NBAS: variants seen among roughly 807,000 people sequenced by gnomAD.
The protein encoded by NBAS is NBAS subunit of NRZ tethering complex.
Under a neutral mutation model 302.5 loss-of-function variants are expected in NBAS, and 219 were observed. That is an observed-to-expected ratio of 0.72 (90% CI 0.65 to 0.81). The LOEUF (loss-of-function observed/expected upper bound fraction) is 0.81, where lower values mean the gene tolerates loss of function less well. Among genes scored for constraint, NBAS ranks in the 30% least tolerant of loss-of-function variants. The pLI is 0.00. For missense variants in NBAS, 2,932 were observed against 2,841.6 expected (o/e 1.03, Z -0.72); for synonymous variants, 1,118 against 1,021.6 (o/e 1.09, Z -1.80).
the NBAS span, among the ~76,000 whole-genome samples, chr2:14,847,380 CTTA>C: frequency 9.6e-5 from 5 of 52,006 alleles, no homozygotes; most frequent in Non-Finnish European, 3.1e-5. Context: ...AAGACTCTAT[CTTA>C]AAAAAAAAAA....
chr2:14,908,444 C>T, the NBAS span, among the ~76,000 whole-genome samples: 1 of 152,158 alleles, frequency 6.6e-6, no homozygotes, highest in Admixed American at 6.5e-5. Flanking sequence ...CTTCTGAGAG[C>T]CCCAAAAGCT....
At chr2:15,036,051 A>C in the NBAS span, among the ~76,000 whole-genome samples, 1 of 152,340 alleles carries the variant, frequency 6.6e-6, no homozygotes, top group Middle Eastern at 3.4e-3. Context: ...AAAGTATGAA[A>C]TTGCCCTTTA....
At chr2:14,831,847 G>A in the NBAS span, among the ~76,000 whole-genome samples, 2 of 152,156 alleles carry the variant, frequency 1.3e-5, no homozygotes, top group African/African-American at 2.4e-5. Flanking sequence ...ATTCATATCT[G>A]TGCTCCACAT....
the NBAS span, among the ~76,000 whole-genome samples, chr2:14,808,186 A>G: frequency 6.6e-6 from 1 of 152,228 alleles, no homozygotes; most frequent in Non-Finnish European, 1.5e-5. Flanking sequence ...CCCCATTTCT[A>G]TTGAAAAATA....
the NBAS span, among the ~76,000 whole-genome samples, chr2:15,042,162 G>C: frequency 1.3e-5 from 2 of 152,226 alleles, no homozygotes; most frequent in East Asian, 3.8e-4. Context: ...GCAATGGCAA[G>C]GAAGGAGGCA....
At chr2:15,017,237 G>A in the NBAS span, among the ~76,000 whole-genome samples, 24 of 152,014 alleles carry the variant, frequency 1.6e-4, no homozygotes, top group South Asian at 6.2e-4. Flanking sequence ...GAGGAAATAC[G>A]TCAGGACATG....
chr2:14,887,548 C>T, the NBAS span, among the ~76,000 whole-genome samples: 8 of 152,140 alleles, frequency 5.3e-5, no homozygotes, highest in Non-Finnish European at 2.9e-5. Flanking sequence ...ACAGCTGCAA[C>T]ATCCACCCAC....
rs918842557 is a variant in NBAS at position 15,330,914 on chromosome 2, T to C, written c.4180-149A>G. ...CCATCCAACTTTGCTTGTAACAAAA[T>C]AAATGTTAAAAGAGCACTATCAACA... is the stretch of plus-strand genomic sequence containing the variant. On this transcript the variant is annotated intron_variant, in intron 35 of 51. Transcript: ENST00000281513. The C allele has an allele frequency of 9.8e-6, 8 of 814,508 alleles. No homozygotes were observed. In the African/African-American group the frequency reaches 1.4e-4, roughly 14 times the overall value. 50.5% of individuals were successfully genotyped at this position (814,508 alleles called of 1,614,324 possible).
chr2:15,092,475 A>T, the NBAS span, among the ~76,000 whole-genome samples: 553 of 152,292 alleles, frequency 3.6e-3, 1 homozygote, highest in African/African-American at 0.013. Context: ...AGATTCATAA[A>T]TTAGCTCCGA....
At chr2:14,883,180 G>C in the NBAS span, among the ~76,000 whole-genome samples, 1 of 152,118 alleles carries the variant, frequency 6.6e-6, no homozygotes, top group African/African-American at 2.4e-5. Context: ...AAAATGAAAA[G>C]AAGCTTCAAG....
At chr2:15,080,418 C>T in the NBAS span, among the ~76,000 whole-genome samples, 3 of 152,170 alleles carry the variant, frequency 2.0e-5, no homozygotes, top group South Asian at 4.1e-4. Flanking sequence ...AAACATTGTC[C>T]TTGTTTGACC....
intron 31 of NBAS, among the ~76,000 whole-genome samples, chr2:15,369,023 T>G (rs944335769): frequency 6.6e-6 from 1 of 152,220 alleles, no homozygotes; most frequent in Non-Finnish European, 1.5e-5. Flanking sequence ...AAAAACACTA[T>G]GGGTTTTTTC....
chr2:15,254,385 A>AATT (rs1390309215), intron 44 of NBAS, among the ~76,000 whole-genome samples: 1 of 152,170 alleles, frequency 6.6e-6, no homozygotes, highest in Non-Finnish European at 1.5e-5. Context: ...GCCTAGAGTC[A>AATT]ATTAAACTCT....
At chr2:15,539,644 G>A (rs886828168) in intron 6 of NBAS, among the ~76,000 whole-genome samples, 1 of 152,060 alleles carries the variant, frequency 6.6e-6, no homozygotes, top group Non-Finnish European at 1.5e-5. Context: ...AAAGGCCCAG[G>A]AATAATACAC....
the NBAS span, among the ~76,000 whole-genome samples, chr2:14,973,693 G>A: frequency 6.6e-6 from 1 of 152,102 alleles, no homozygotes; most frequent in African/African-American, 2.4e-5. Context: ...AATATTTTTA[G>A]TTTATTATTT....
chr2:14,786,491 G>C, the NBAS span, among the ~76,000 whole-genome samples: 1 of 151,946 alleles, frequency 6.6e-6, no homozygotes, highest in Non-Finnish European at 1.5e-5. Context: ...ACACTGCTTT[G>C]AATGTGTCCC....
At chr2:15,383,969 T>C (rs1275295148) in intron 28 of NBAS, among the ~76,000 whole-genome samples, 3 of 152,186 alleles carry the variant, frequency 2.0e-5, no homozygotes, top group African/African-American at 7.2e-5. Flanking sequence ...GTCGCTGGCA[T>C]TGCTGTGTCC....
intron 38 of NBAS, among the ~76,000 whole-genome samples, chr2:15,319,843 G>C (rs894392122): frequency 1.3e-5 from 2 of 152,002 alleles, no homozygotes; most frequent in Non-Finnish European, 2.9e-5. Context: ...CATTCCTTCT[G>C]AAACGATCCC....
rs377130420 is a variant in NBAS, at chr2:15,178,374, G to A, written c.6840+614C>T. ...TGAGTTCGTTAAAACACAACCCTAA[G>A]CTATCTAATCCTAAAGTGGAAAATT... is the stretch of plus-strand genomic sequence containing the variant. On this transcript the variant is annotated intron_variant, in intron 51 of 51. Coordinates refer to ENST00000281513, the MANE Select transcript of NBAS (RefSeq NM_015909.4). 1.1e-4 allele frequency among the ~76,000 whole-genome samples: 17 copies of A among 152,244 alleles called. No homozygotes were observed. In the East Asian group the frequency reaches 1.9e-3, roughly 17 times the overall value.
Sources: allele counts gnomAD v4.1 joint callset (sites outside exome capture counted in the v4.1 genomes callset), GRCh38; gene constraint gnomAD v4.1.1; transcripts MANE v1.5; gene names NCBI Gene and HGNC (gene_info 2026-07-23, HGNC 2026-07-21).